Variants in AGBL5 observed in about 807,000 individuals in gnomAD.
The protein encoded by AGBL5 is AGBL carboxypeptidase 5.
In AGBL5, 51 loss-of-function variants were observed where a neutral mutation model predicts 88.0. That is an observed-to-expected ratio of 0.58 (90% CI 0.46 to 0.73). The LOEUF is 0.73. AGBL5 is among the 30% of genes least tolerant of loss of function. The probability of loss-of-function intolerance (pLI) is 0.00; values close to 1 mark genes in which losing one functional copy is unlikely to be tolerated. For synonymous variants in AGBL5, 446 were observed against 438.8 expected, an observed-to-expected ratio of 1.02 and a Z score of -0.21; for missense variants, 1,031 against 1,162.2, an observed-to-expected ratio of 0.89 and a Z score of 1.64.
rs1393264199 is a variant in AGBL5 at position 27,051,712 on chromosome 2, C to T, written c.-128C>T. On this transcript the variant is annotated 5_prime_UTR_variant, in exon 1 of 15. Coordinates refer to ENST00000360131, the MANE Select transcript of AGBL5 (RefSeq NM_021831.6). ...GCGGCGCTCGGGTGTTTTTGGGGGC[C>T]CGGGTGGAGGGCCCGGGTGCCGGGG... 1 of 152,278 alleles carries T rather than the reference C, an allele frequency of 6.6e-6. No individual in the cohort carries two copies. The highest frequency in any genetic ancestry group is 1.5e-5 in the Non-Finnish European group (1 of 68,090). 9.4% of individuals were successfully genotyped at this position (152,278 alleles called of 1,614,324 possible).
At chr2:27,064,472 T>C (rs114513803) in intron 11 of AGBL5, among the ~76,000 whole-genome samples, 2,716 of 151,890 alleles carry the variant, frequency 0.018, 28 homozygotes, top group Non-Finnish European at 0.029. Context: ...ATTTTTGTAT[T>C]TCTTTTTTTA....
At chr2:27,058,947 T>G (rs1474514700) in intron 10 of AGBL5, among the ~76,000 whole-genome samples, 1 of 152,160 alleles carries the variant, frequency 6.6e-6, no homozygotes, top group African/African-American at 2.4e-5. Context: ...GCCAAGGCAG[T>G]AGGGGTGAAA....
chr2:27,050,791 G>A (rs996774980), upstream of AGBL5, among the ~76,000 whole-genome samples: 1 of 152,226 alleles, frequency 6.6e-6, no homozygotes, highest in African/African-American at 2.4e-5. Context: ...GCCTTCGATA[G>A]CTCAGTTGGT....
chr2:27,059,226 T>C lies in AGBL5; in HGVS notation c.1911T>C (p.Ser637=), dbSNP rs771136140. ...LPVSCSENTL[S]RARSFSTGTS... is the part of the protein sequence containing the mutation. ...TCTCCTGCTCCGAAAACACCTTGAG[T>C]CGGGCACGAAGTTTTAGCACCGGCA... The change falls in exon 11 of 15, where the codon AGT becomes AGC. Residue 637 remains serine, a synonymous_variant. Transcript: ENST00000360131. 5 of 1,613,800 alleles carry C rather than the reference T, an allele frequency of 3.1e-6. No homozygotes were observed. In the South Asian group the frequency reaches 4.4e-5, roughly 14 times the overall value.
chr2:27,069,202 G>T, intron 13 of AGBL5: 1 of 1,353,284 alleles, frequency 7.4e-7, no homozygotes, highest in East Asian at 4.1e-5. Context: ...TGACTGGATG[G>T]GTGAAGTGTA....
At chr2:27,057,205 T>TC (rs1198619321) in intron 8 of AGBL5, 98 bp from the exon 9 acceptor site, 21 of 1,353,410 alleles carry the variant, frequency 1.6e-5, no homozygotes, top group East Asian at 1.4e-4. Context: ...TTCACTTTTT[T>TC]CCAAGTGATT....
intron 12 of AGBL5, among the ~76,000 whole-genome samples, chr2:27,068,329 C>CA (rs1348006659): frequency 6.6e-6 from 1 of 152,176 alleles, no homozygotes; most frequent in Non-Finnish European, 1.5e-5. Flanking sequence ...GTTGCTGCTC[C>CA]ACCCCTTGGA....
At chr2:27,063,081 A>AT (rs1668795904) in intron 11 of AGBL5, among the ~76,000 whole-genome samples, 1 of 152,232 alleles carries the variant, frequency 6.6e-6, no homozygotes, top group Non-Finnish European at 1.5e-5. Context: ...GAAAAGAGAG[A>AT]TAAGTATTAG....
intron 7 of AGBL5, 119 bp from the exon 8 acceptor site, chr2:27,056,504 T>G: frequency 1.1e-6 from 1 of 887,576 alleles, no homozygotes. Flanking sequence ...CTGATTACTG[T>G]TAATGGTTGT....
intron 11 of AGBL5, among the ~76,000 whole-genome samples, chr2:27,063,399 T>A (rs572601382): frequency 3.5e-4 from 54 of 152,204 alleles, no homozygotes; most frequent in African/African-American, 1.3e-3. Flanking sequence ...ATCGAGACCG[T>A]CCTGGCTAAC....
In AGBL5 at chr2:27,054,622, C is replaced by T. The variant is rs1289992178; in HGVS notation, c.552-8C>T. On this transcript the variant is annotated splice_region_variant and splice_polypyrimidine_tract_variant and intron_variant, in intron 4 of 14. Transcript: ENST00000360131. ...ACTTCTCCTGGCTTAATTTTTTTTTCCCTGTAGCCCCCTGGATACCATCTA... is the reference window on the plus strand; with the variant it reads ...ACTTCTCCTGGCTTAATTTTTTTTTTCCTGTAGCCCCCTGGATACCATCTA... The T allele has an allele frequency of 1.1e-5, 17 of 1,597,062 alleles. No individual in the cohort carries two copies. The Admixed American group carries it at 1.1e-4, about 10-fold the overall frequency.
rs1194843614 is a variant in AGBL5, at chr2:27,068,361, CA to C, written c.2243-270del. On this transcript the variant is annotated intron_variant, in intron 12 of 14. Transcript: ENST00000360131. ...TGGACCACCAGACTAGAGCCTCAAC[CA>C]GGGGTGATTTTGCTGCCAGGTGACA... Among the ~76,000 whole-genome samples, 5 of 152,266 alleles carry C rather than the reference CA, an allele frequency of 3.3e-5. No individual in the cohort carries two copies. In the East Asian group the frequency reaches 9.7e-4, roughly 29 times the overall value.
chr2:27,054,813 T>C lies in AGBL5; in HGVS notation c.729+6T>C. 1 of 1,610,818 alleles carries C rather than the reference T, an allele frequency of 6.2e-7. No homozygotes were observed. Among genetic ancestry groups the C allele is most frequent in the Non-Finnish European group, 8.5e-7 (1 of 1,179,056 alleles). On this transcript the variant is annotated splice_donor_region_variant and intron_variant, in intron 5 of 14. Transcript: ENST00000360131. ...TCCGTTTCGCAGGCAAGAGGGTGAG[T>C]GGAAATAGCATAAAGGTAGTTCTTT...
chr2:27,057,350 T>C lies in AGBL5; in HGVS notation c.1583T>C (p.Ile528Thr). 1 of 1,614,048 alleles carries C rather than the reference T, an allele frequency of 6.2e-7. No homozygotes were observed. The highest frequency in any genetic ancestry group is 8.5e-7 in the Non-Finnish European group (1 of 1,179,962). Reference sequence around the variant, plus strand: ...AACACTGGACGCTCAGTAAACAGCATCCCTGCTGCCTGCCATGACAATGGG... The same window carrying C: ...AACACTGGACGCTCAGTAAACAGCACCCCTGCTGCCTGCCATGACAATGGG... ...NYNTGRSVNSIPAACHDNGRA... is the reference protein window; with the variant it reads ...NYNTGRSVNSTPAACHDNGRA... The change falls in exon 9 of 15, where the codon ATC (isoleucine) becomes ACC (threonine). Residue 528 changes from isoleucine (I) to threonine (T), a missense_variant. By Grantham distance (89) the Ile-to-Thr change is moderately conservative. This residue lies in a region of AGBL5 where 491 missense variants were observed against 484.0 expected (regional missense o/e 1.01). Coordinates refer to ENST00000360131, the MANE Select transcript of AGBL5 (RefSeq NM_021831.6).
In AGBL5 at chr2:27,055,877, C is replaced by T. The variant is rs1401562209; in HGVS notation, c.1104C>T (p.Ala368=). 16 of 1,614,190 alleles carry T rather than the reference C, an allele frequency of 9.9e-6. No individual in the cohort carries two copies. Among genetic ancestry groups the T allele is most frequent in the Non-Finnish European group, 1.4e-5 (16 of 1,180,032 alleles). ...CTCCTGTTTCTGACCTGGAGAAAGC[C>T]AACAATCTCCAAAATGAAGCTCAGT... ...PDAPVSDLEK[A]NNLQNEAQCG... The change falls in exon 7 of 15, where the codon GCC becomes GCT. Residue 368 remains alanine (A), a synonymous_variant. Coordinates refer to ENST00000360131, the MANE Select transcript of AGBL5 (RefSeq NM_021831.6).
chr2:27,059,095 C>T, intron 10 of AGBL5, 95 bp from the exon 11 acceptor site: 2 of 1,264,190 alleles, frequency 1.6e-6, no homozygotes, highest in Non-Finnish European at 2.2e-6. Flanking sequence ...GCCTTTTTAC[C>T]CCAGAGGTGA....
rs1669113453 is a variant in AGBL5, at chr2:27,068,648, C to A, written c.2259C>A (p.Leu753=). 1 of 1,614,060 alleles carries A rather than the reference C, an allele frequency of 6.2e-7. No homozygotes were observed. Among genetic ancestry groups the A allele is most frequent in the East Asian group, 2.2e-5 (1 of 44,876 alleles). The change falls in exon 13 of 15, where the codon CTC becomes CTA. Residue 753 remains leucine, a synonymous_variant. Transcript: ENST00000360131. ...SFNIPGSSCS[L]LSSGDKPEAV... Reference sequence around the variant, plus strand: ...GTTCCCTAGGGAGCAGTTGCTCACTCTTGTCCTCTGGAGACAAACCAGAGG... The same window carrying A: ...GTTCCCTAGGGAGCAGTTGCTCACTATTGTCCTCTGGAGACAAACCAGAGG...
intron 12 of AGBL5, among the ~76,000 whole-genome samples, chr2:27,068,031 AAAT>A (rs1244976599): frequency 2.6e-5 from 4 of 152,220 alleles, no homozygotes; most frequent in Admixed American, 1.3e-4. Context: ...CAACACTGCT[AAAT>A]GCTGTGTGTA....
chr2:27,069,846 C>T, intron 14 of AGBL5, 140 bp downstream of exon 14: 3 of 1,456,800 alleles, frequency 2.1e-6, no homozygotes, highest in Non-Finnish European at 2.7e-6. Flanking sequence ...GAATCTAGTC[C>T]CTGATTTTTT....
Sources: gnomAD v4.1 joint callset for allele counts (sites outside exome capture counted in the v4.1 genomes callset) on GRCh38, gnomAD v4.1.1 for gene constraint, gnomAD v4.1.1 regional missense constraint, MANE v1.5 for transcripts, NCBI Gene and HGNC (gene_info 2026-07-23, HGNC 2026-07-21) for gene names.